PPP4R3A: variants seen among roughly 807,000 people sequenced by gnomAD.
The protein encoded by PPP4R3A is serine/threonine-protein phosphatase 4 regulatory subunit 3A.
Under a neutral mutation model 91.7 loss-of-function variants are expected in PPP4R3A, and 15 were observed. The observed-to-expected ratio is 0.16, with a 90% CI of 0.11 to 0.25. The LOEUF is 0.25. Ranked by LOEUF, PPP4R3A falls within the 10% of genes least tolerant of loss-of-function variation. The pLI, the probability that PPP4R3A is intolerant of heterozygous loss-of-function variation, is 1.00. For synonymous variants in PPP4R3A, 377 were observed against 348.7 expected, an observed-to-expected ratio of 1.08 and a Z score of -0.91; for missense variants, 623 against 998.4, an observed-to-expected ratio of 0.62 and a Z score of 5.07.
chr14:91,462,388 G>A, intron 12 of PPP4R3A, 149 bp from the exon 13 acceptor site: 1 of 875,200 alleles, frequency 1.1e-6, no homozygotes, highest in Non-Finnish European at 1.6e-6. Context: ...TTAGATTAAT[G>A]TACAAAATTT....
intron 4 of PPP4R3A, among the ~76,000 whole-genome samples, chr14:91,480,586 G>A (rs940738685): frequency 1.1e-3 from 172 of 152,218 alleles, no homozygotes; most frequent in African/African-American, 3.9e-3. Flanking sequence ...AGGCCATAGC[G>A]CCTGGCCCAC....
Position 91,461,546 on chromosome 14 carries a change from T to A in PPP4R3A, c.2226A>T (p.Pro742=). ...CACTGGACAGGGAAAGCTTGAAACTTGGGCTCTGCCGTCCAGAAAGGTTTG... is the reference window on the plus strand; with the variant it reads ...CACTGGACAGGGAAAGCTTGAAACTAGGGCTCTGCCGTCCAGAAAGGTTTG... ...LKTNLSGRQS[P]SFKLSLSSGT... The change falls in exon 14 of 15, where the codon CCA becomes CCT. Residue 742 remains proline (P), a synonymous_variant. Transcript: ENST00000554943. 1 of 1,614,068 alleles carries A rather than the reference T, an allele frequency of 6.2e-7. No individual in the cohort carries two copies. Among genetic ancestry groups the A allele is most frequent in the Non-Finnish European group, 8.5e-7 (1 of 1,179,952 alleles).
chr14:91,476,015 C>T, intron 6 of PPP4R3A, 49 bp from the exon 7 acceptor site: 4 of 1,472,682 alleles, frequency 2.7e-6, no homozygotes, highest in Non-Finnish European at 2.7e-6. Flanking sequence ...AAATACGGAA[C>T]CTATAGCTAT....
chr14:91,460,809 C>T (rs992559625), intron 14 of PPP4R3A, among the ~76,000 whole-genome samples: 2 of 151,842 alleles, frequency 1.3e-5, no homozygotes, highest in Non-Finnish European at 1.5e-5. Context: ...TTAGTAGAAA[C>T]GGGGTTTCAC....
At chr14:91,459,765 G>C (rs1488741040) in intron 14 of PPP4R3A, among the ~76,000 whole-genome samples, 1 of 151,680 alleles carries the variant, frequency 6.6e-6, no homozygotes, top group Non-Finnish European at 1.5e-5. Context: ...AATCTGGAAG[G>C]TGGAGATTGC....
At chr14:91,469,265 AGT>A (rs1244500463) in intron 10 of PPP4R3A, among the ~76,000 whole-genome samples, 2 of 152,236 alleles carry the variant, frequency 1.3e-5, no homozygotes, top group East Asian at 3.8e-4. Flanking sequence ...AATGTTTAAA[AGT>A]GTACATTTTT....
At chr14:91,488,939 G>A (rs1226907109) in intron 2 of PPP4R3A, among the ~76,000 whole-genome samples, 2 of 127,982 alleles carry the variant, frequency 1.6e-5, no homozygotes. Context: ...ATGGAGTCTC[G>A]CTCTGTCGCC....
chr14:91,468,155 C>T (rs755602754), intron 10 of PPP4R3A, among the ~76,000 whole-genome samples: 3 of 152,062 alleles, frequency 2.0e-5, no homozygotes, highest in Non-Finnish European at 2.9e-5. Context: ...TTAATGATAA[C>T]CTGACTCAGT....
In PPP4R3A at chr14:91,461,366, G is replaced by T. The variant is rs965884163; in HGVS notation, c.2391+15C>A. 4 of 1,590,158 alleles carry T rather than the reference G, an allele frequency of 2.5e-6. No homozygotes were observed. The Admixed American group carries it at 6.8e-5, about 27-fold the overall frequency. ...ATTGGGAAAAAAGGGGGCAAAATGGGAGTCAAGAATGTACCTTTGTAGTAA... is the reference window on the plus strand; with the variant it reads ...ATTGGGAAAAAAGGGGGCAAAATGGTAGTCAAGAATGTACCTTTGTAGTAA... On this transcript the variant is annotated intron_variant, in intron 14 of 14. Coordinates refer to ENST00000554943, the MANE Select transcript of PPP4R3A (RefSeq NM_001366432.2).
chr14:91,487,599 G>T (rs1479839437), intron 2 of PPP4R3A, among the ~76,000 whole-genome samples: 1 of 152,200 alleles, frequency 6.6e-6, no homozygotes, highest in African/African-American at 2.4e-5. Flanking sequence ...TATCCATCAG[G>T]ATGATAATGG....
intron 10 of PPP4R3A, among the ~76,000 whole-genome samples, chr14:91,465,947 C>T (rs1015205155): frequency 1.2e-4 from 18 of 152,272 alleles, no homozygotes; most frequent in Admixed American, 2.0e-4. Flanking sequence ...ATCTGCATGA[C>T]CCAAAATTTG....
At chr14:91,477,672 CAG>C (rs1889289712) in intron 4 of PPP4R3A, among the ~76,000 whole-genome samples, 2 of 152,162 alleles carry the variant, frequency 1.3e-5, no homozygotes, top group South Asian at 4.1e-4. Context: ...CTTTTTGAGA[CAG>C]AGTCTTGCTC....
intron 1 of PPP4R3A, among the ~76,000 whole-genome samples, chr14:91,500,858 C>A (rs149233298): frequency 6.6e-6 from 1 of 151,978 alleles, no homozygotes; most frequent in South Asian, 2.1e-4. Flanking sequence ...CATGGCAAAC[C>A]CTGTCTCTAC....
At chr14:91,489,729 T>C (rs1042475112) in intron 2 of PPP4R3A, among the ~76,000 whole-genome samples, 2 of 152,246 alleles carry the variant, frequency 1.3e-5, no homozygotes, top group African/African-American at 4.8e-5. Context: ...TTCCAGGCTC[T>C]AGATTTTTCC....
At chr14:91,508,293 A>G (rs1891539009) in intron 1 of PPP4R3A, among the ~76,000 whole-genome samples, 2 of 152,230 alleles carry the variant, frequency 1.3e-5, no homozygotes, top group Non-Finnish European at 2.9e-5. Context: ...ACCACTTTCA[A>G]TTTAAATAGA....
In PPP4R3A at chr14:91,461,610, A is replaced by G; in HGVS notation, c.2165-3T>C. 1 of 1,613,146 alleles carries G rather than the reference A, an allele frequency of 6.2e-7. No individual in the cohort carries two copies. Among genetic ancestry groups the G allele is most frequent in the Non-Finnish European group, 8.5e-7 (1 of 1,179,428 alleles). ...TTCCTTTTCCTCACTTTCTTTTACT[A>G]AAAATGAGAATACTGTCAATAGTCG... On this transcript the variant is annotated splice_polypyrimidine_tract_variant and splice_region_variant and intron_variant, in intron 13 of 14. Transcript: ENST00000554943.
intron 1 of PPP4R3A, among the ~76,000 whole-genome samples, chr14:91,494,547 CA>C (rs1890424172): frequency 6.6e-6 from 1 of 152,176 alleles, no homozygotes; most frequent in Non-Finnish European, 1.5e-5. Context: ...CAGCATTAGT[CA>C]TTAAGGAAAT....
intron 6 of PPP4R3A, 132 bp from the exon 7 acceptor site, chr14:91,476,098 A>G: frequency 1.2e-6 from 1 of 855,078 alleles, no homozygotes; most frequent in Non-Finnish European, 1.7e-6. Flanking sequence ...ATTCTTCTGC[A>G]TATAAAACTC....
chr14:91,466,699 A>G (rs1888490618), intron 10 of PPP4R3A, among the ~76,000 whole-genome samples: 1 of 152,158 alleles, frequency 6.6e-6, no homozygotes, highest in Non-Finnish European at 1.5e-5. Flanking sequence ...TTTCTGTGTG[A>G]TAAGTCAAAG....
Sources: gnomAD v4.1 joint callset for allele counts (sites outside exome capture counted in the v4.1 genomes callset) on GRCh38, gnomAD v4.1.1 for gene constraint, MANE v1.5 for transcripts, NCBI Gene and HGNC (gene_info 2026-07-23, HGNC 2026-07-21) for gene names.